The following TLK1 variants were observed in gnomAD, a reference collection of about 807,000 sequenced individuals.
TLK1 encodes serine/threonine-protein kinase tousled-like 1.
Under a neutral mutation model 105.3 loss-of-function variants are expected in TLK1, and 24 were observed. The observed-to-expected ratio is 0.23, with a 90% CI of 0.17 to 0.32. TLK1 has a LOEUF of 0.32. Ranked by LOEUF, TLK1 falls within the 10% of genes least tolerant of loss-of-function variation. The probability of loss-of-function intolerance (pLI) is 1.00; values close to 1 mark genes in which losing one functional copy is unlikely to be tolerated. For synonymous variants in TLK1, 321 were observed against 310.4 expected (o/e 1.03, Z -0.36); for missense variants, 558 against 910.5 (o/e 0.61, Z 4.98).
intron 1 of TLK1, among the ~76,000 whole-genome samples, chr2:171,228,425 C>A (rs1289374110): frequency 6.6e-6 from 1 of 152,090 alleles, no homozygotes; most frequent in East Asian, 1.9e-4. Context: ...ATGGTGCACA[C>A]CTATAGCCCC....
rs543954491 is a variant in TLK1 at position 171,018,980 on chromosome 2, T to C, written c.1237-4032A>G. Among the ~76,000 whole-genome samples the C allele has an allele frequency of 3.9e-5, 6 of 152,306 alleles. 1 individual carries two copies. In the South Asian group the frequency reaches 1.0e-3, roughly 26 times the overall value. ...ATGGAAAATTTAACAATACACACTA[T>C]AGCTATTTTAACAGTATTTTAAAAT... On this transcript the variant is annotated intron_variant, in intron 12 of 20. Transcript: ENST00000431350.
chr2:171,028,228 T>C (rs1415469019), intron 12 of TLK1, 111 bp downstream of exon 12: 4 of 731,228 alleles, frequency 5.5e-6, no homozygotes, highest in African/African-American at 5.4e-5. Context: ...ATTTTTAATT[T>C]GAAATCTTAC....
At chr2:171,220,341 T>G (rs189861530) in intron 1 of TLK1, among the ~76,000 whole-genome samples, 8 of 152,292 alleles carry the variant, frequency 5.3e-5, no homozygotes, top group Admixed American at 2.0e-4. Context: ...CCTCTTGATA[T>G]TCATGCCTTT....
chr2:171,173,281 A>G (rs1692762354), intron 1 of TLK1, among the ~76,000 whole-genome samples: 1 of 152,206 alleles, frequency 6.6e-6, no homozygotes, highest in Admixed American at 6.5e-5. Context: ...CACAAATGAT[A>G]TATATGCAAC....
At position 171,160,740 on chromosome 2, in the gene TLK1, T is replaced by A; in HGVS notation, c.-312A>T. ...CGAGGGGGTGCCAGCCGGGCCGGGG[T>A]CGGAGCGCGGGCGGAGCGCGGGCTG... On this transcript the variant is annotated 5_prime_UTR_variant, in exon 1 of 21. Transcript: ENST00000431350. This position sits in a 1 kb window ranked among gnomAD's most constrained non-coding sequence, Gnocchi z 4.4. The A allele has an allele frequency of 4.7e-6, 2 of 428,074 alleles. No homozygotes were observed. The highest frequency in any genetic ancestry group is 8.0e-6 in the Non-Finnish European group (2 of 251,110). 26.5% of individuals were successfully genotyped at this position (428,074 alleles called of 1,614,324 possible). A position where few individuals can be genotyped will look rare whatever the true frequency, so the allele number is the denominator to read the frequency against.
chr2:171,118,339 C>T (rs185037116), intron 1 of TLK1, among the ~76,000 whole-genome samples: 1 of 152,152 alleles, frequency 6.6e-6, no homozygotes, highest in African/African-American at 2.4e-5. Flanking sequence ...TCTGAGCATA[C>T]CCAGAATTGT....
chr2:171,049,379 G>A (rs1261310933), intron 10 of TLK1, among the ~76,000 whole-genome samples: 1 of 152,144 alleles, frequency 6.6e-6, no homozygotes, highest in Non-Finnish European at 1.5e-5. Flanking sequence ...TATATCTGAG[G>A]CAAAAGAGAA....
chr2:171,006,339 A>T, intron 17 of TLK1, 57 bp from the exon 18 acceptor site: 1 of 1,498,378 alleles, frequency 6.7e-7, no homozygotes, highest in Non-Finnish European at 8.9e-7. Flanking sequence ...CATAACTTTA[A>T]TAACTTTTAA....
intron 11 of TLK1, among the ~76,000 whole-genome samples, chr2:171,034,404 G>T (rs1461919537): frequency 6.6e-6 from 1 of 152,118 alleles, no homozygotes; most frequent in Non-Finnish European, 1.5e-5. Flanking sequence ...ATATTGTTCA[G>T]CCATAAAAAG....
At position 171,061,091 on chromosome 2, in the gene TLK1, T is replaced by G; in HGVS notation, c.396A>C (p.Glu132Asp). 1 of 1,613,624 alleles carries G rather than the reference T, an allele frequency of 6.2e-7. No homozygotes were observed. Among genetic ancestry groups the G allele is most frequent in the Non-Finnish European group, 8.5e-7 (1 of 1,179,730 alleles). The change falls in exon 4 of 21, where the codon GAA becomes GAC. Residue 132 changes from glutamate (E) to aspartate (D), a missense_variant. Around this residue, in one of 5 missense-constraint regions of TLK1, gnomAD observed 196 missense variants for 239.3 expected, o/e 0.82. Transcript: ENST00000431350. The stretch of plus-strand genomic sequence containing the variant: ...ATGTTATGTGCTTACCCTGACTACT[T>G]TCATTCTGGTTTTCTGCTTTTCTCT... ...GRKRKAENQN[E>D]SSQGKSIGGR...
At chr2:171,223,915 T>G (rs28761317) in intron 1 of TLK1, among the ~76,000 whole-genome samples, 1 of 152,078 alleles carries the variant, frequency 6.6e-6, no homozygotes, top group Admixed American at 6.5e-5. Flanking sequence ...CTTCACTTTG[T>G]TGATTTTTTT....
chr2:171,032,048 T>A (rs1458636404), intron 11 of TLK1, among the ~76,000 whole-genome samples: 1 of 151,986 alleles, frequency 6.6e-6, no homozygotes, highest in East Asian at 1.9e-4. Context: ...AGACTGCCAC[T>A]GTACTCCAGC....
At chr2:171,227,384 G>T (rs10193428) in intron 1 of TLK1, among the ~76,000 whole-genome samples, 8,543 of 152,200 alleles carry the variant, frequency 0.056, 498 homozygotes, top group East Asian at 0.25. Flanking sequence ...AGAGCCTGGA[G>T]TTCCTTCTGG....
intron 1 of TLK1, among the ~76,000 whole-genome samples, chr2:171,195,143 C>G (rs1355685620): frequency 6.6e-6 from 1 of 152,182 alleles, no homozygotes; most frequent in Non-Finnish European, 1.5e-5. Flanking sequence ...GTGAAACACT[C>G]TTCACAACTG....
At chr2:171,070,351 T>C (rs1306523171) in intron 3 of TLK1, among the ~76,000 whole-genome samples, 4 of 152,128 alleles carry the variant, frequency 2.6e-5, no homozygotes, top group Non-Finnish European at 4.4e-5. Flanking sequence ...ACACACTCTG[T>C]TGTGCTAGCA....
intron 1 of TLK1, among the ~76,000 whole-genome samples, chr2:171,127,728 A>C (rs565908167): frequency 7.4e-4 from 113 of 152,240 alleles, no homozygotes; most frequent in Middle Eastern, 3.4e-3. Flanking sequence ...ATTTCTCACC[A>C]ATTCAAACTT....
At chr2:171,181,418 A>G (rs1206397321) in intron 1 of TLK1, among the ~76,000 whole-genome samples, 1 of 152,236 alleles carries the variant, frequency 6.6e-6, no homozygotes, top group African/African-American at 2.4e-5. Context: ...ATTAGCATCA[A>G]AGAGTTTCTA....
chr2:171,129,363 C>G (rs1558958225), intron 1 of TLK1, among the ~76,000 whole-genome samples: 1 of 152,136 alleles, frequency 6.6e-6, no homozygotes, highest in African/African-American at 2.4e-5. Context: ...TCCTTCTTGG[C>G]CTATTCTTCT....
chr2:171,168,920 C>T (rs184734066), intron 1 of TLK1, among the ~76,000 whole-genome samples: 38 of 151,916 alleles, frequency 2.5e-4, no homozygotes, highest in African/African-American at 8.2e-4. Context: ...GTCTCTGCAA[C>T]AAATACAAAA....
Sources: gnomAD v4.1 joint callset for allele counts (sites outside exome capture counted in the v4.1 genomes callset) on GRCh38, gnomAD v4.1.1 for gene constraint, gnomAD v4.1.1 regional missense constraint, Gnocchi (gnomAD v3.1) non-coding constraint, MANE v1.5 for transcripts, NCBI Gene and HGNC (gene_info 2026-07-23, HGNC 2026-07-21) for gene names.